The following NFATC3 variants were observed in gnomAD, a reference collection of about 807,000 sequenced individuals.
The protein encoded by NFATC3 is nuclear factor of activated T cells 3.
NFATC3 carries 46 observed loss-of-function variants against 98.6 expected under a neutral mutation model. That is an observed-to-expected ratio of 0.47 (90% CI 0.37 to 0.60). NFATC3 has a LOEUF of 0.60. Ranked by LOEUF, NFATC3 falls within the 20% of genes least tolerant of loss-of-function variation. The probability of loss-of-function intolerance (pLI) is 0.00; values close to 1 mark genes in which losing one functional copy is unlikely to be tolerated. For missense variants in NFATC3, 1,256 were observed against 1,295.5 expected, an observed-to-expected ratio of 0.97 and a Z score of 0.47; for synonymous variants, 512 against 472.2, an observed-to-expected ratio of 1.08 and a Z score of -1.09.
rs532563251 is a variant in NFATC3 at position 68,228,115 on chromosome 16, G to A, written c.*1644G>A. 6.6e-6 allele frequency: 1 copy of A among 152,248 alleles called. No individual in the cohort carries two copies. Among genetic ancestry groups the A allele is most frequent in the South Asian group, 2.1e-4 (1 of 4,822 alleles). 9.4% of individuals were successfully genotyped at this position (152,248 alleles called of 1,614,324 possible). ...AGTAGGTTAGGAGCTGTTGACTCAGGATGAGGAAGTATGGTCTTTAAAAAA... is the reference window on the plus strand; with the variant it reads ...AGTAGGTTAGGAGCTGTTGACTCAGAATGAGGAAGTATGGTCTTTAAAAAA... On this transcript the variant is annotated 3_prime_UTR_variant, in exon 10 of 10. Transcript: ENST00000346183.
intron 1 of NFATC3, among the ~76,000 whole-genome samples, chr16:68,115,439 G>T (rs2036223042): frequency 6.6e-6 from 1 of 151,442 alleles, no homozygotes. Flanking sequence ...TTTTTTTTGA[G>T]AGACGGAGTC....
At chr16:68,086,152 T>A (rs2034361832) in intron 1 of NFATC3, among the ~76,000 whole-genome samples, 1 of 152,236 alleles carries the variant, frequency 6.6e-6, no homozygotes, top group Non-Finnish European at 1.5e-5. Context: ...GTTTTTCATC[T>A]ATTCTAGGTC....
In NFATC3 at chr16:68,227,744, C is replaced by T. The variant is rs1168282121; in HGVS notation, c.*1273C>T. 1 of 151,738 alleles carries T rather than the reference C, an allele frequency of 6.6e-6. No individual in the cohort carries two copies. The highest frequency in any genetic ancestry group is 2.4e-5 in the African/African-American group (1 of 41,268). The allele number at this position is 151,738 out of a possible 1,614,324, so 9.4% of individuals were successfully genotyped here. ...TGAGACTGGTGTCCAAGGCAGGGCC[C>T]AGCAGAAACTGCAGCCTGCTGTCTA... On this transcript the variant is annotated 3_prime_UTR_variant, in exon 10 of 10. Transcript: ENST00000346183.
rs773089719 is a variant in NFATC3 at position 68,226,360 on chromosome 16, A to C, written c.3117A>C (p.Ile1039=). ...TTTCTTGTTTTTCAGTGAACGAGATAATTGGGAGAGACATGTCCCAGATTT... is the reference window on the plus strand; with the variant it reads ...TTTCTTGTTTTTCAGTGAACGAGATCATTGGGAGAGACATGTCCCAGATTT... ...QDITLDDVNE[I]IGRDMSQISV... The change falls in exon 10 of 10, where the codon ATA becomes ATC. Residue 1039 remains isoleucine (I), a synonymous_variant. Coordinates refer to ENST00000346183, the MANE Select transcript of NFATC3 (RefSeq NM_173165.3). 1 of 1,569,746 alleles carries C rather than the reference A, an allele frequency of 6.4e-7. No individual in the cohort carries two copies. The highest frequency in any genetic ancestry group is 2.0e-5 in the Admixed American group (1 of 50,444).
rs1444692870 is a variant in NFATC3, at chr16:68,210,601, T to C, written c.3107-15749T>C. 2.0e-5 allele frequency among the ~76,000 whole-genome samples: 3 copies of C among 152,206 alleles called. No homozygotes were observed. The East Asian group carries it at 5.8e-4, about 29-fold the overall frequency. On this transcript the variant is annotated intron_variant, in intron 9 of 9. Transcript: ENST00000346183. Reference sequence around the variant, plus strand: ...TGCCAGTCAGGAGTATGTTTTTTTTTCTTTTGTTCAACTAATTTGGCATAT... The same window carrying C: ...TGCCAGTCAGGAGTATGTTTTTTTTCCTTTTGTTCAACTAATTTGGCATAT...
intron 9 of NFATC3, among the ~76,000 whole-genome samples, chr16:68,210,935 C>A (rs1567551699): frequency 6.6e-6 from 1 of 152,034 alleles, no homozygotes; most frequent in Non-Finnish European, 1.5e-5. Context: ...GTGCGCACCA[C>A]CATGCCCGGC....
chr16:68,151,147 A>G (rs2038298819), intron 3 of NFATC3, among the ~76,000 whole-genome samples: 1 of 152,040 alleles, frequency 6.6e-6, no homozygotes, highest in African/African-American at 2.4e-5. Context: ...TGAGTCAAGG[A>G]GTTCAAGACC....
chr16:68,105,909 C>T (rs1332711410), intron 1 of NFATC3, among the ~76,000 whole-genome samples: 4 of 151,962 alleles, frequency 2.6e-5, no homozygotes, highest in African/African-American at 7.3e-5. Flanking sequence ...GACAGAGTCT[C>T]ACTCTGTTGC....
At chr16:68,149,080 T>C in intron 3 of NFATC3, among the ~76,000 whole-genome samples, 1 of 152,162 alleles carries the variant, frequency 6.6e-6, no homozygotes, top group Non-Finnish European at 1.5e-5. Flanking sequence ...CTAGTGATAA[T>C]GCCTGTCTTA....
chr16:68,147,606 A>C (rs1821242705), intron 3 of NFATC3, among the ~76,000 whole-genome samples: 1 of 152,214 alleles, frequency 6.6e-6, no homozygotes, highest in African/African-American at 2.4e-5. Flanking sequence ...TCTCCACTTG[A>C]TGAACAGTTG....
intron 9 of NFATC3, chr16:68,225,466 G>A (rs1567558598): frequency 6.6e-6 from 1 of 152,144 alleles, no homozygotes; most frequent in Non-Finnish European, 1.5e-5. Context: ...CATCCATGTT[G>A]TAGCATGTAT....
chr16:68,217,834 C>A, intron 9 of NFATC3: 1 of 1,230,670 alleles, frequency 8.1e-7, no homozygotes, highest in South Asian at 4.1e-5. Flanking sequence ...CGCTTTTGCT[C>A]ACATTTCATT....
At chr16:68,200,108 G>A (rs2040853569) in intron 9 of NFATC3, 1 of 151,984 alleles carries the variant, frequency 6.6e-6, no homozygotes, top group Admixed American at 6.6e-5. Context: ...GCCTTCACAT[G>A]TGTGAAAGCT....
intron 6 of NFATC3, 45 bp downstream of exon 6, chr16:68,174,559 G>A: frequency 2.1e-6 from 3 of 1,395,594 alleles, no homozygotes; most frequent in South Asian, 1.9e-5. Flanking sequence ...AGGGGCAAAG[G>A]GTAAAATAAA....
intron 2 of NFATC3, among the ~76,000 whole-genome samples, chr16:68,124,496 G>A (rs943671088): frequency 1.0e-4 from 15 of 149,676 alleles, no homozygotes; most frequent in African/African-American, 3.4e-4. Context: ...GCAATGGCGC[G>A]ATCTCGGCTT....
At chr16:68,104,642 T>G (rs1054927171) in intron 1 of NFATC3, among the ~76,000 whole-genome samples, 2 of 151,220 alleles carry the variant, frequency 1.3e-5, no homozygotes, top group Non-Finnish European at 2.9e-5. Context: ...GCTGTGGGCT[T>G]TTCACAAATG....
In NFATC3 at chr16:68,227,006, G is replaced by A. The variant is rs1449715602; in HGVS notation, c.*535G>A. 2 of 150,596 alleles carry A rather than the reference G, an allele frequency of 1.3e-5. No individual in the cohort carries two copies. Among genetic ancestry groups the A allele is most frequent in the Non-Finnish European group, 2.9e-5 (2 of 67,860 alleles). The allele number at this position is 150,596 out of a possible 1,614,324, so 9.3% of individuals were successfully genotyped here. A position where few individuals can be genotyped will look rare whatever the true frequency, so the allele number is the denominator to read the frequency against. ...GCCTCAGAAAGTCAGCATGTGTCCT[G>A]AAGACGTTCATAGATTTATAGGAAA... On this transcript the variant is annotated 3_prime_UTR_variant, in exon 10 of 10. Transcript: ENST00000346183.
In NFATC3 at chr16:68,123,027, C is replaced by T. The variant is rs2230095; in HGVS notation, c.1144C>T (p.Pro382Ser). 1,480 of 1,613,682 alleles carry T rather than the reference C, an allele frequency of 9.2e-4. 20 individuals are homozygous for T. In the African/African-American group the frequency reaches 0.017, roughly 18 times the overall value. ...AGATGATGGCCTTGGATCTCAGTAT[C>T]CTTTAAAGAAAGATTCATGTGGTGA... Reference protein sequence around the residue: ...SIDDGLGSQYPLKKDSCGDQF... With the variant: ...SIDDGLGSQYSLKKDSCGDQF... Residue 382 changes from proline to serine, a missense_variant, in exon 2 of 10, where the codon CCT becomes TCT. This residue lies in a region of NFATC3 where 464 missense variants were observed against 465.7 expected (regional missense o/e 1.00). Transcript: ENST00000346183.
intron 3 of NFATC3, among the ~76,000 whole-genome samples, chr16:68,136,301 T>A (rs1005126912): frequency 6.6e-6 from 1 of 152,164 alleles, no homozygotes; most frequent in Non-Finnish European, 1.5e-5. Flanking sequence ...ACTGTCTCAC[T>A]CTGTTGCCGA....
Sources: gnomAD v4.1 joint callset for allele counts (sites outside exome capture counted in the v4.1 genomes callset) on GRCh38, gnomAD v4.1.1 for gene constraint, gnomAD v4.1.1 regional missense constraint, MANE v1.5 for transcripts, NCBI Gene and HGNC (gene_info 2026-07-23, HGNC 2026-07-21) for gene names.